The following LRP1B variants were observed in gnomAD, a reference collection of about 807,000 sequenced individuals.
The protein encoded by LRP1B is LDL receptor related protein 1B.
In LRP1B, 217 loss-of-function variants were observed where a neutral mutation model predicts 556.6. The ratio of observed to expected loss-of-function variants is 0.39; its 90% confidence interval spans 0.35 to 0.44. The LOEUF (loss-of-function observed/expected upper bound fraction) is 0.44. LRP1B is among the 20% of genes least tolerant of loss of function. The probability of loss-of-function intolerance (pLI) is 1.00; values close to 1 mark genes in which losing one functional copy is unlikely to be tolerated. For synonymous variants in LRP1B, 2,047 were observed against 1,865.8 expected (o/e 1.10, Z -2.50); for missense variants, 5,053 against 5,620.8 (o/e 0.90, Z 3.23).
intron 3 of LRP1B, among the ~76,000 whole-genome samples, chr2:141,373,009 A>C (rs938415004): frequency 2.0e-5 from 3 of 152,042 alleles, no homozygotes; most frequent in Admixed American, 6.5e-5. Flanking sequence ...TTATTGCTAT[A>C]AACTTAGCAC....
intron 1 of LRP1B, among the ~76,000 whole-genome samples, chr2:141,997,435 GTGTGT>G (rs1176573994): frequency 7.8e-5 from 1 of 12,892 alleles, no homozygotes; most frequent in Non-Finnish European, 2.0e-4. Flanking sequence ...GTGTGTGTGT[GTGTGT>G]ATATACACAC....
chr2:140,277,972 C>T (rs1397338483), intron 84 of LRP1B, among the ~76,000 whole-genome samples: 1 of 151,598 alleles, frequency 6.6e-6, no homozygotes, highest in South Asian at 2.1e-4. Flanking sequence ...TTTAAGAAAT[C>T]CAAATGTCTG....
intron 3 of LRP1B, among the ~76,000 whole-genome samples, chr2:141,332,564 T>G (rs1336342582): frequency 1.3e-5 from 2 of 152,084 alleles, no homozygotes; most frequent in Non-Finnish European, 2.9e-5. Flanking sequence ...ATCTGTGTTC[T>G]GAAAATGATC....
intron 2 of LRP1B, among the ~76,000 whole-genome samples, chr2:141,721,493 C>T (rs1036613637): frequency 6.6e-6 from 1 of 152,114 alleles, no homozygotes. Flanking sequence ...CAATATGTTG[C>T]ATATTTTCAT....
chr2:141,610,402 T>A (rs917971776), intron 2 of LRP1B, among the ~76,000 whole-genome samples: 1 of 148,948 alleles, frequency 6.7e-6, no homozygotes, highest in Non-Finnish European at 1.5e-5. Context: ...TTGTAAACAG[T>A]GTTTCCCTCA....
At chr2:141,103,349 TAA>T (rs570795298) in intron 7 of LRP1B, among the ~76,000 whole-genome samples, 93 of 152,228 alleles carry the variant, frequency 6.1e-4, no homozygotes, top group African/African-American at 2.2e-3. Context: ...GGGAATTATT[TAA>T]AAGACTTGTT....
chr2:141,451,628 TA>T (rs755634276), intron 3 of LRP1B, among the ~76,000 whole-genome samples: 3 of 151,970 alleles, frequency 2.0e-5, no homozygotes, highest in Admixed American at 6.6e-5. Context: ...TTATACGTTA[TA>T]AAAAAAACTG....
chr2:141,838,259 A>C (rs921955683), intron 1 of LRP1B, among the ~76,000 whole-genome samples: 2 of 152,136 alleles, frequency 1.3e-5, no homozygotes, highest in Non-Finnish European at 2.9e-5. Flanking sequence ...GGTTTGAACA[A>C]AATGCAGTGT....
chr2:140,730,070 A>G (rs1250010715), intron 35 of LRP1B, among the ~76,000 whole-genome samples: 1 of 152,142 alleles, frequency 6.6e-6, no homozygotes, highest in African/African-American at 2.4e-5. Flanking sequence ...AACCACATCC[A>G]ATCAATCAGC....
At chr2:140,835,695 G>A (rs957289427) in intron 31 of LRP1B, among the ~76,000 whole-genome samples, 2 of 151,780 alleles carry the variant, frequency 1.3e-5, no homozygotes, top group South Asian at 2.1e-4. Flanking sequence ...TCGCCACCAC[G>A]TCTGGCTAAT....
chr2:141,773,693 ATTGGAAGACTTTAAACT>A (rs1558866541), intron 2 of LRP1B, among the ~76,000 whole-genome samples: 215 of 152,344 alleles, frequency 1.4e-3, no homozygotes, highest in African/African-American at 4.4e-3. Context: ...AGAGTGTTTA[ATTGGAAGACTTTAAACT>A]CTTCTTTGGA....
intron 79 of LRP1B, among the ~76,000 whole-genome samples, chr2:140,331,788 T>TG (rs923505156): frequency 1.3e-5 from 2 of 151,590 alleles, no homozygotes; most frequent in Non-Finnish European, 2.9e-5. Context: ...TTCCGCCTCC[T>TG]GGGTTCAAGC....
At chr2:140,474,330 CCCT>C (rs1198661509) in intron 60 of LRP1B, among the ~76,000 whole-genome samples, 1 of 151,868 alleles carries the variant, frequency 6.6e-6, no homozygotes, top group Non-Finnish European at 1.5e-5. Flanking sequence ...TCTCATCCTT[CCCT>C]CCTCCAGGGT....
chr2:140,377,326 C>G (rs1015222176), intron 68 of LRP1B, among the ~76,000 whole-genome samples: 2 of 152,136 alleles, frequency 1.3e-5, no homozygotes, highest in Non-Finnish European at 2.9e-5. Flanking sequence ...CCACCCGCCT[C>G]GGCCTCCCAA....
At chr2:140,259,419 A>T (rs1681833504) in intron 86 of LRP1B, among the ~76,000 whole-genome samples, 1 of 152,058 alleles carries the variant, frequency 6.6e-6, no homozygotes, top group South Asian at 2.1e-4. Context: ...AACTCAAGAA[A>T]CATCATATAA....
At chr2:141,611,881 C>T (rs951456841) in intron 2 of LRP1B, among the ~76,000 whole-genome samples, 2 of 152,098 alleles carry the variant, frequency 1.3e-5, no homozygotes, top group African/African-American at 2.4e-5. Flanking sequence ...CAGGACACAG[C>T]CCGATTTAAT....
intron 3 of LRP1B, among the ~76,000 whole-genome samples, chr2:141,362,881 T>C (rs1688882887): frequency 6.6e-6 from 1 of 152,120 alleles, no homozygotes; most frequent in African/African-American, 2.4e-5. Context: ...AATGGAATAG[T>C]TCATTCATTC....
At chr2:141,823,529 A>G (rs1481691711) in intron 1 of LRP1B, among the ~76,000 whole-genome samples, 2 of 152,224 alleles carry the variant, frequency 1.3e-5, no homozygotes, top group African/African-American at 4.8e-5. Context: ...TAGCATTTTA[A>G]TAAAAGAATA....
chr2:141,705,158 A>G (rs1692091428), intron 2 of LRP1B, among the ~76,000 whole-genome samples: 1 of 151,992 alleles, frequency 6.6e-6, no homozygotes, highest in Admixed American at 6.6e-5. Context: ...TATAGTTTAA[A>G]CCCAGGTAGT....
Sources: allele counts gnomAD v4.1 joint callset (sites outside exome capture counted in the v4.1 genomes callset), GRCh38; gene constraint gnomAD v4.1.1; transcripts MANE v1.5; gene names NCBI Gene and HGNC (gene_info 2026-07-23, HGNC 2026-07-21).